Variants in LTBP2 observed in about 807,000 individuals in gnomAD.
LTBP2 encodes latent transforming growth factor beta binding protein 2.
In LTBP2, 103 loss-of-function variants were observed where a neutral mutation model predicts 210.6. The ratio of observed to expected loss-of-function variants is 0.49; its 90% CI spans 0.42 to 0.58. The LOEUF (loss-of-function observed/expected upper bound fraction) is 0.58. LTBP2 is among the 20% of genes least tolerant of loss of function. LTBP2 has a pLI of 0.00. For synonymous variants in LTBP2, 1,007 were observed against 1,015.0 expected (o/e 0.99, Z 0.15); for missense variants, 2,313 against 2,494.5 (o/e 0.93, Z 1.55).
intron 34 of LTBP2, 60 bp downstream of exon 34, chr14:74,502,593 G>T: frequency 4.4e-6 from 7 of 1,608,158 alleles, no homozygotes; most frequent in Non-Finnish European, 6.0e-6. Context: ...GCAGGTGGAG[G>T]AGATGGAAGT....
chr14:74,606,860 A>AC (rs1161239138), intron 1 of LTBP2, among the ~76,000 whole-genome samples: 13 of 151,798 alleles, frequency 8.6e-5, no homozygotes, highest in African/African-American at 2.9e-4. Flanking sequence ...AAACAAACAA[A>AC]AAAAAAAAAC....
intron 31 of LTBP2, 75 bp downstream of exon 31, chr14:74,503,851 T>C (rs1239829072): frequency 3.1e-6 from 5 of 1,594,098 alleles, no homozygotes; most frequent in South Asian, 1.1e-5. Flanking sequence ...ATAATGGGAC[T>C]GGCTGGCAGG....
chr14:74,563,688 C>T (rs1243411392), intron 3 of LTBP2, among the ~76,000 whole-genome samples: 1 of 152,010 alleles, frequency 6.6e-6, no homozygotes, highest in Non-Finnish European at 1.5e-5. Flanking sequence ...CAAATTTAAG[C>T]ATCTATAAAG....
At chr14:74,572,754 C>T (rs1362073586) in intron 3 of LTBP2, among the ~76,000 whole-genome samples, 9 of 152,010 alleles carry the variant, frequency 5.9e-5, no homozygotes, top group African/African-American at 2.2e-4. Flanking sequence ...CACACACACA[C>T]GCATACACAC....
At position 74,540,330 on chromosome 14, in the gene LTBP2, G is replaced by A. The variant is rs1000215988; in HGVS notation, c.1790-4330C>T. Among the ~76,000 whole-genome samples the A allele has an allele frequency of 1.3e-4, 20 of 152,030 alleles. No homozygotes were observed. The East Asian group carries it at 2.0e-3, about 15-fold the overall frequency. On this transcript the variant is annotated intron_variant, in intron 8 of 35. Transcript: ENST00000261978. The stretch of plus-strand genomic sequence containing the variant: ...TCTACCAAAAATACAAAAAGTCAGC[G>A]GGCGTGGTGGCATGAGCCTGTGGTC...
intron 17 of LTBP2, 50 bp downstream of exon 17, chr14:74,521,861 C>A (rs1246520937): frequency 3.1e-6 from 5 of 1,611,888 alleles, no homozygotes; most frequent in African/African-American, 1.3e-5. Context: ...CCTCTTCCAC[C>A]CCCTCAAGAC....
rs2086896396 is a variant in LTBP2, at chr14:74,500,419, T to C, written c.*465A>G. Reference sequence around the variant, plus strand: ...GGGCTCTGGAGTCAGTCCCCAAGCTTCCCCAAATCCTTTCTTGCTCCACAG... The same window carrying C: ...GGGCTCTGGAGTCAGTCCCCAAGCTCCCCCAAATCCTTTCTTGCTCCACAG... On this transcript the variant is annotated 3_prime_UTR_variant, in exon 36 of 36. Coordinates refer to ENST00000261978, the MANE Select transcript of LTBP2 (RefSeq NM_000428.3). The C allele has an allele frequency of 5.6e-6, 2 of 355,828 alleles. No individual in the cohort carries two copies. The highest frequency in any genetic ancestry group is 7.6e-5 in the South Asian group (2 of 26,438). 22.0% of individuals were successfully genotyped at this position (355,828 alleles called of 1,614,324 possible).
In LTBP2 at chr14:74,509,792, G is replaced by A. The variant is rs142012825; in HGVS notation, c.3219C>T (p.Phe1073=). ...TGLCLNTEGS[F]ACSACENGYW... is the part of the protein sequence containing the mutation. ...ACCCGTTCTCACAGGCAGAGCAGGCGAAGGAGCCCTCCGTGTTGAGGCAGA... is the reference window on the plus strand; with the variant it reads ...ACCCGTTCTCACAGGCAGAGCAGGCAAAGGAGCCCTCCGTGTTGAGGCAGA... Residue 1073 remains phenylalanine (F), a synonymous_variant, in exon 21 of 36, where the codon TTC becomes TTT. Coordinates refer to ENST00000261978, the MANE Select transcript of LTBP2 (RefSeq NM_000428.3). The A allele has an allele frequency of 3.5e-5, 57 of 1,614,110 alleles. No individual in the cohort carries two copies. The highest frequency in any genetic ancestry group is 3.3e-4 in the African/African-American group (25 of 75,070).
intron 3 of LTBP2, among the ~76,000 whole-genome samples, chr14:74,563,810 C>G (rs1179682490): frequency 6.6e-6 from 1 of 150,994 alleles, no homozygotes; most frequent in Non-Finnish European, 1.5e-5. Flanking sequence ...TATTTACTGT[C>G]TGGCCATTTA....
At chr14:74,596,538 G>A (rs965306236) in intron 2 of LTBP2, among the ~76,000 whole-genome samples, 6 of 152,246 alleles carry the variant, frequency 3.9e-5, no homozygotes, top group African/African-American at 1.4e-4. Flanking sequence ...CTGGGTGAGT[G>A]TGGAGATGCC....
intron 18 of LTBP2, among the ~76,000 whole-genome samples, chr14:74,512,259 C>G (rs139599946): frequency 2.8e-4 from 43 of 152,282 alleles, no homozygotes; most frequent in African/African-American, 8.9e-4. Flanking sequence ...CCCTCTGGCC[C>G]GGTATCAAGG....
intron 2 of LTBP2, among the ~76,000 whole-genome samples, chr14:74,603,242 C>T (rs1163146059): frequency 1.3e-5 from 2 of 152,178 alleles, no homozygotes; most frequent in Non-Finnish European, 2.9e-5. Context: ...ATTCTCCTAC[C>T]TCAGCCTCCC....
intron 3 of LTBP2, 141 bp from the exon 4 acceptor site, chr14:74,555,834 C>CG (rs2087721683): frequency 1.8e-6 from 1 of 557,422 alleles, no homozygotes. Flanking sequence ...GGCTGACTCC[C>CG]AGACATGAAG....
intron 2 of LTBP2, among the ~76,000 whole-genome samples, chr14:74,593,476 T>C (rs1330651506): frequency 6.6e-6 from 1 of 152,210 alleles, no homozygotes; most frequent in Non-Finnish European, 1.5e-5. Context: ...ATGGGGCTGA[T>C]AATTCTTGCT....
intron 4 of LTBP2, among the ~76,000 whole-genome samples, chr14:74,553,969 T>G (rs2087695872): frequency 7.6e-6 from 1 of 132,334 alleles, no homozygotes. Flanking sequence ...TGTGTGTGAA[T>G]GAGAGAGCTG....
At chr14:74,597,073 C>T (rs1595299821) in intron 2 of LTBP2, among the ~76,000 whole-genome samples, 2 of 152,158 alleles carry the variant, frequency 1.3e-5, no homozygotes, top group African/African-American at 2.4e-5. Context: ...TAGAAGACCC[C>T]AGACTAAGTC....
Position 74,499,858 on chromosome 14 carries a change from T to C in LTBP2, c.*1026A>G, listed in dbSNP as rs1213195564. The C allele has an allele frequency of 8.7e-6, 2 of 231,026 alleles. No individual in the cohort carries two copies. Among genetic ancestry groups the C allele is most frequent in the African/African-American group, 4.4e-5 (2 of 45,212 alleles). The allele number at this position is 231,026 out of a possible 1,614,324, so 14.3% of individuals were successfully genotyped here. A position where few individuals can be genotyped will look rare whatever the true frequency, so the allele number is the denominator to read the frequency against. ...AACTCAGAGGAATGCCTGCCATCGT[T>C]TTCTGAAGGGAAAGGGCAGGGGTTT... On this transcript the variant is annotated 3_prime_UTR_variant, in exon 36 of 36. Coordinates refer to ENST00000261978, the MANE Select transcript of LTBP2 (RefSeq NM_000428.3).
rs993055628 is a variant in LTBP2, at chr14:74,510,106, C to T, written c.3136G>A (p.Glu1046Lys). 3 of 1,614,128 alleles carry T rather than the reference C, an allele frequency of 1.9e-6. No homozygotes were observed. The highest frequency in any genetic ancestry group is 2.2e-5 in the East Asian group (1 of 44,888). The change falls in exon 20 of 36, where the codon GAG becomes AAG. Residue 1046 changes from glutamate to lysine, a missense_variant. Physicochemically the swap from Glu to Lys is moderately conservative, Grantham distance 56. This residue lies in a region of LTBP2 where 1,867 missense variants were observed against 1,976.9 expected (regional missense o/e 0.94). Coordinates refer to ENST00000261978, the MANE Select transcript of LTBP2 (RefSeq NM_000428.3). ...CEQGYEVTSDEKGCQDVDECA... is the reference protein window; with the variant it reads ...CEQGYEVTSDKKGCQDVDECA... ...ATCTCTGTACCTTGGCAGCCCTTCT[C>T]ATCTGAGGTGACCTCATAGCCCTGC... is the stretch of plus-strand genomic sequence containing the variant.
At chr14:74,592,817 A>C (rs1460687954) in intron 2 of LTBP2, among the ~76,000 whole-genome samples, 1 of 152,214 alleles carries the variant, frequency 6.6e-6, no homozygotes, top group Admixed American at 6.5e-5. Flanking sequence ...GATCTGCAGA[A>C]GACGGAATAC....
Sources: allele counts gnomAD v4.1 joint callset (sites outside exome capture counted in the v4.1 genomes callset), GRCh38; gene constraint gnomAD v4.1.1; regional missense constraint gnomAD v4.1.1; transcripts MANE v1.5; gene names NCBI Gene and HGNC (gene_info 2026-07-23, HGNC 2026-07-21).